DLG2: variants seen among roughly 807,000 people sequenced by gnomAD.
DLG2 encodes disks large homolog 2.
In DLG2, 45 loss-of-function variants were observed where a neutral mutation model predicts 132.5. That is an observed-to-expected ratio of 0.34 (90% confidence interval 0.27 to 0.44). DLG2 has a LOEUF of 0.44. DLG2 is among the 20% of genes least tolerant of loss of function. The pLI, the probability that DLG2 is intolerant of heterozygous loss-of-function variation, is 1.00. For missense variants in DLG2, 1,045 were observed against 1,196.9 expected, an observed-to-expected ratio of 0.87 and a Z score of 1.87; for synonymous variants, 424 against 419.6, an observed-to-expected ratio of 1.01 and a Z score of -0.13.
intron 18 of DLG2, among the ~76,000 whole-genome samples, chr11:83,666,345 A>C (rs1244132185): frequency 6.6e-6 from 1 of 152,154 alleles, no homozygotes; most frequent in Admixed American, 6.6e-5. Context: ...GCCGCACAGC[A>C]GGAGGTGAGT....
chr11:83,972,515 A>G (rs1013948379), intron 12 of DLG2, among the ~76,000 whole-genome samples: 2 of 152,136 alleles, frequency 1.3e-5, no homozygotes, highest in Admixed American at 1.3e-4. Flanking sequence ...TTATTCCTAC[A>G]GTGCCTCTTC....
intron 3 of DLG2, among the ~76,000 whole-genome samples, chr11:85,577,991 T>C (rs2078260496): frequency 6.6e-6 from 1 of 152,064 alleles, no homozygotes; most frequent in African/African-American, 2.4e-5. Context: ...CTTCAAACTA[T>C]ACTACAGGCC....
chr11:85,082,223 T>A (rs1170745678), intron 6 of DLG2, among the ~76,000 whole-genome samples: 1 of 152,138 alleles, frequency 6.6e-6, no homozygotes, highest in African/African-American at 2.4e-5. Flanking sequence ...GAATACAGAA[T>A]TAAGTTATAC....
At chr11:85,599,776 C>G (rs748052659) in intron 2 of DLG2, among the ~76,000 whole-genome samples, 8 of 152,180 alleles carry the variant, frequency 5.3e-5, no homozygotes, top group Non-Finnish European at 1.2e-4. Flanking sequence ...TTTGCCTATA[C>G]GAATTTGTCG....
At chr11:84,585,369 C>T (rs936123741) in intron 6 of DLG2, among the ~76,000 whole-genome samples, 2 of 152,114 alleles carry the variant, frequency 1.3e-5, no homozygotes, top group Admixed American at 6.6e-5. Flanking sequence ...GTTTGTTTAG[C>T]CGATATGCTT....
intron 16 of DLG2, among the ~76,000 whole-genome samples, chr11:83,869,725 A>AT (rs1481301706): frequency 6.6e-6 from 1 of 152,324 alleles, no homozygotes; most frequent in East Asian, 1.9e-4. Flanking sequence ...TATTTATTCC[A>AT]TAAAGGATTC....
rs746884490 is a variant in DLG2 at position 83,804,200 on chromosome 11, T to A, written c.1723-17408A>T. ...CCAATTGCAATCAGTCAAATCTTTT[T>A]GGGAAGTCAAAATCTTCCCAACTGC... On this transcript the variant is annotated intron_variant, in intron 17 of 27. Transcript: ENST00000376104. Among the ~76,000 whole-genome samples, 52 of 152,076 alleles carry A rather than the reference T, an allele frequency of 3.4e-4. 1 individual carries two copies. Among genetic ancestry groups the A allele is most frequent in the Non-Finnish European group, 6.8e-4 (46 of 67,972 alleles).
At chr11:84,640,323 G>T in intron 6 of DLG2, 1 of 347,930 alleles carries the variant, frequency 2.9e-6, no homozygotes, top group South Asian at 2.4e-5. Flanking sequence ...GTCTCTTGTT[G>T]ACATCCGAAA....
intron 16 of DLG2, among the ~76,000 whole-genome samples, chr11:83,845,717 G>C (rs1257627370): frequency 6.6e-6 from 1 of 152,238 alleles, no homozygotes; most frequent in East Asian, 1.9e-4. Flanking sequence ...TACTAGAGGG[G>C]GATGGTATGG....
chr11:84,592,933 TAAAAAAAAAAAAAAAAAAAAAA>T (rs61017970), intron 6 of DLG2, among the ~76,000 whole-genome samples: 9 of 18,198 alleles, frequency 4.9e-4, no homozygotes, highest in Admixed American at 3.3e-3. Flanking sequence ...CTGTCTCTAC[TAAAAAAAAAAAAAAAAAAAAAA>T]AAAAAAAAAA....
At chr11:84,253,065 T>G (rs2097410545) in intron 7 of DLG2, among the ~76,000 whole-genome samples, 1 of 152,176 alleles carries the variant, frequency 6.6e-6, no homozygotes, top group African/African-American at 2.4e-5. Flanking sequence ...TACATATGTA[T>G]ATAATGGATC....
At chr11:84,484,570 C>CT (rs1327902000) in intron 7 of DLG2, among the ~76,000 whole-genome samples, 1 of 152,070 alleles carries the variant, frequency 6.6e-6, no homozygotes, top group Non-Finnish European at 1.5e-5. Context: ...AGCTTAGAAA[C>CT]TTTTTTGCAT....
intron 3 of DLG2, among the ~76,000 whole-genome samples, chr11:85,375,469 A>G (rs1011915863): frequency 6.6e-6 from 1 of 152,202 alleles, no homozygotes; most frequent in Non-Finnish European, 1.5e-5. Context: ...ACTTGAGGCC[A>G]GGAGTTTGAG....
chr11:84,339,954 G>A (rs2098506574), intron 7 of DLG2, among the ~76,000 whole-genome samples: 1 of 152,142 alleles, frequency 6.6e-6, no homozygotes, highest in South Asian at 2.1e-4. Flanking sequence ...CCATCTAAGA[G>A]CCACACTGGT....
intron 7 of DLG2, among the ~76,000 whole-genome samples, chr11:84,253,624 G>A (rs1249972594): frequency 6.6e-6 from 1 of 151,944 alleles, no homozygotes; most frequent in East Asian, 1.9e-4. Flanking sequence ...TCATGTCAAA[G>A]GCAATAATAA....
chr11:85,039,521 G>A (rs1285787658), intron 6 of DLG2, among the ~76,000 whole-genome samples: 1 of 151,856 alleles, frequency 6.6e-6, no homozygotes, highest in Non-Finnish European at 1.5e-5. Flanking sequence ...TTCCTCATCT[G>A]TACAAGGAGG....
chr11:84,483,223 A>G (rs1486256206), intron 7 of DLG2, among the ~76,000 whole-genome samples: 1 of 152,164 alleles, frequency 6.6e-6, no homozygotes, highest in Non-Finnish European at 1.5e-5. Context: ...ACCTGAGGTC[A>G]GGAGTTCAAG....
chr11:84,363,784 T>C (rs1193857017), intron 7 of DLG2, among the ~76,000 whole-genome samples: 2 of 151,728 alleles, frequency 1.3e-5, no homozygotes, highest in Non-Finnish European at 2.9e-5. Context: ...TCCCCATTGC[T>C]TGTTTTTCTC....
chr11:84,568,642 C>A (rs1013544815), intron 6 of DLG2, among the ~76,000 whole-genome samples: 1 of 152,294 alleles, frequency 6.6e-6, no homozygotes, highest in South Asian at 2.1e-4. Flanking sequence ...AGCCTTAGAT[C>A]CTACCCCAAC....
Sources: allele counts gnomAD v4.1 joint callset (sites outside exome capture counted in the v4.1 genomes callset), GRCh38; gene constraint gnomAD v4.1.1; transcripts MANE v1.5; gene names NCBI Gene and HGNC (gene_info 2026-07-23, HGNC 2026-07-21).